The following SLC4A4 variants were observed in gnomAD, a reference collection of about 807,000 sequenced individuals.
SLC4A4 encodes the protein electrogenic sodium bicarbonate cotransporter 1.
SLC4A4 carries 27 observed loss-of-function variants against 111.5 expected under a neutral mutation model. The ratio of observed to expected loss-of-function variants is 0.24; its 90% CI spans 0.18 to 0.33. The LOEUF is 0.33. Ranked by LOEUF, SLC4A4 falls within the 10% of genes least tolerant of loss-of-function variation. The probability of loss-of-function intolerance (pLI) is 1.00; values close to 1 mark genes in which losing one functional copy is unlikely to be tolerated. For synonymous variants in SLC4A4, 443 were observed against 463.4 expected (o/e 0.96, Z 0.57); for missense variants, 909 against 1,315.5 (o/e 0.69, Z 4.78).
chr4:71,375,243 A>G (rs1211008968), intron 6 of SLC4A4, among the ~76,000 whole-genome samples: 2 of 152,208 alleles, frequency 1.3e-5, no homozygotes, highest in Non-Finnish European at 2.9e-5. Context: ...GGAAGTGTTC[A>G]GTGGTACCTG....
At chr4:71,376,192 C>CACACACACAT (rs544323906) in intron 6 of SLC4A4, among the ~76,000 whole-genome samples, 1 of 146,474 alleles carries the variant, frequency 6.8e-6, no homozygotes, top group Admixed American at 6.8e-5. Context: ...CACACACACA[C>CACACACACAT]ATATATATGT....
intron 1 of SLC4A4, among the ~76,000 whole-genome samples, chr4:71,196,868 A>AAAAAAAAAAAAAAAAAAAAAAC (rs1385699656): frequency 7.4e-6 from 1 of 135,564 alleles, no homozygotes; most frequent in Non-Finnish European, 1.5e-5. Flanking sequence ...AAAAAAAAAA[A>AAAAAAAAAAAAAAAAAAAAAAC]AAAAAATGCA....
chr4:71,095,441 T>C (rs1742517237), intron 2 of SLC4A4, among the ~76,000 whole-genome samples: 1 of 152,114 alleles, frequency 6.6e-6, no homozygotes, highest in African/African-American at 2.4e-5. Flanking sequence ...AGCAAAAGAG[T>C]TTGCTCCAGG....
At chr4:71,231,257 G>A (rs1198203955) in intron 1 of SLC4A4, among the ~76,000 whole-genome samples, 6 of 152,332 alleles carry the variant, frequency 3.9e-5, no homozygotes, top group African/African-American at 7.2e-5. Context: ...AGCTGCTTGC[G>A]CTGTGCGGAC....
chr4:71,195,940 C>T (rs1745980350), intron 1 of SLC4A4, among the ~76,000 whole-genome samples: 1 of 152,200 alleles, frequency 6.6e-6, no homozygotes, highest in African/African-American at 2.4e-5. Context: ...CCTTCTACCC[C>T]AGAAGGATCA....
chr4:71,265,343 A>G lies in SLC4A4; in HGVS notation c.253+9944A>G, dbSNP rs572811356. 7.9e-5 allele frequency among the ~76,000 whole-genome samples: 12 copies of G among 152,302 alleles called. No homozygotes were observed. In the East Asian group the frequency reaches 2.1e-3, roughly 27 times the overall value. ...AATCAGGGCAATGTATAAGAAGAAA[A>G]AACAACCTGGAGACTATATTTATTT... On this transcript the variant is annotated intron_variant, in intron 3 of 25. Transcript: ENST00000264485.
intron 1 of SLC4A4, among the ~76,000 whole-genome samples, chr4:71,232,185 C>T (rs773639337): frequency 1.3e-5 from 2 of 152,094 alleles, no homozygotes; most frequent in East Asian, 1.9e-4. Flanking sequence ...TCAGAAAGAA[C>T]GAAGTTTCTA....
At chr4:71,349,636 C>A (rs569913670) in intron 4 of SLC4A4, among the ~76,000 whole-genome samples, 225 of 152,268 alleles carry the variant, frequency 1.5e-3, no homozygotes, top group African/African-American at 5.2e-3. Flanking sequence ...TTAAGGATCT[C>A]ATGGTTACAT....
intron 3 of SLC4A4, among the ~76,000 whole-genome samples, chr4:71,260,737 T>A (rs1721796185): frequency 6.6e-6 from 1 of 152,222 alleles, no homozygotes; most frequent in South Asian, 2.1e-4. Context: ...TACTTGAGTT[T>A]GAATCCCAGT....
chr4:71,247,448 C>T lies in SLC4A4; in HGVS notation c.74-7772C>T, dbSNP rs1720758409. On this transcript the variant is annotated intron_variant, in intron 2 of 25. Coordinates refer to ENST00000264485, the MANE Select transcript of SLC4A4 (RefSeq NM_001098484.3). ...ATTACCTGTCTATAGCAACCAAGGA[C>T]CCTTCATCCTATTGCCCAGCCAGGG... Among the ~76,000 whole-genome samples, 3 of 151,730 alleles carry T rather than the reference C, an allele frequency of 2.0e-5. No homozygotes were observed. In the South Asian group the frequency reaches 6.2e-4, roughly 32 times the overall value.
At chr4:71,472,392 TTACTC>T (rs1727962007) in intron 13 of SLC4A4, among the ~76,000 whole-genome samples, 2 of 152,060 alleles carry the variant, frequency 1.3e-5, no homozygotes, top group Admixed American at 1.3e-4. Context: ...TGCAAATTGT[TTACTC>T]TATAAACTCT....
At chr4:71,522,489 G>A (rs1432799952) in intron 16 of SLC4A4, among the ~76,000 whole-genome samples, 1 of 152,162 alleles carries the variant, frequency 6.6e-6, no homozygotes, top group Non-Finnish European at 1.5e-5. Flanking sequence ...ATTTGTGGTG[G>A]CAAAATGAAA....
intron 2 of SLC4A4, among the ~76,000 whole-genome samples, chr4:71,146,443 A>T (rs924136648): frequency 1.3e-5 from 2 of 151,964 alleles, no homozygotes; most frequent in South Asian, 2.1e-4. Context: ...GGGTGGAGAG[A>T]TCTGTAGATG....
intron 2 of SLC4A4, among the ~76,000 whole-genome samples, chr4:71,250,540 A>G (rs755956554): frequency 1.3e-5 from 2 of 152,188 alleles, no homozygotes; most frequent in Non-Finnish European, 2.9e-5. Context: ...AGAATACAGT[A>G]CTGACATATC....
At chr4:71,188,527 C>T (rs2148992884) in intron 1 of SLC4A4, among the ~76,000 whole-genome samples, 1 of 152,312 alleles carries the variant, frequency 6.6e-6, no homozygotes, top group East Asian at 1.9e-4. Flanking sequence ...TCAAATCCTG[C>T]AGCAGTTCCT....
At chr4:71,476,655 G>T (rs1728400948) in intron 14 of SLC4A4, among the ~76,000 whole-genome samples, 2 of 151,426 alleles carry the variant, frequency 1.3e-5, no homozygotes, top group South Asian at 4.2e-4. Flanking sequence ...CTTCTCACTT[G>T]CTTCCAAAAA....
chr4:71,424,638 A>G (rs1317088740), intron 7 of SLC4A4, among the ~76,000 whole-genome samples: 2 of 152,190 alleles, frequency 1.3e-5, no homozygotes, highest in Non-Finnish European at 2.9e-5. Context: ...TGGCACATAT[A>G]CACCATGGAA....
chr4:71,490,190 C>G (rs1258623151), intron 15 of SLC4A4, among the ~76,000 whole-genome samples: 1 of 151,804 alleles, frequency 6.6e-6, no homozygotes, highest in African/African-American at 2.4e-5. Flanking sequence ...CACACTGTAT[C>G]TAGATAATGA....
At chr4:71,428,822 G>A (rs1232824324) in intron 7 of SLC4A4, among the ~76,000 whole-genome samples, 2 of 151,982 alleles carry the variant, frequency 1.3e-5, no homozygotes, top group Non-Finnish European at 1.5e-5. Context: ...AAAAAATAAT[G>A]TATAGAATGA....
Sources: gnomAD v4.1 joint callset for allele counts (sites outside exome capture counted in the v4.1 genomes callset) on GRCh38, gnomAD v4.1.1 for gene constraint, MANE v1.5 for transcripts, NCBI Gene and HGNC (gene_info 2026-07-23, HGNC 2026-07-21) for gene names.